STPG2: variants seen among roughly 807,000 people sequenced by gnomAD.
STPG2 encodes the protein sperm-tail PG-rich repeat-containing protein 2.
A neutral mutation model predicts 54.2 loss-of-function variants in STPG2; 56 were observed. That is an observed-to-expected ratio of 1.03 (90% CI 0.83 to 1.29). The LOEUF is 1.29. STPG2 is among the 50% of genes most tolerant of loss of function. The pLI is 0.00. For synonymous variants in STPG2, 200 were observed against 181.8 expected, an observed-to-expected ratio of 1.10 and a Z score of -0.81; for missense variants, 596 against 544.9, an observed-to-expected ratio of 1.09 and a Z score of -0.93.
At chr4:97,674,833 A>G (rs927464433) in intron 10 of STPG2, among the ~76,000 whole-genome samples, 1 of 152,196 alleles carries the variant, frequency 6.6e-6, no homozygotes, top group Non-Finnish European at 1.5e-5. Context: ...CACCATATTA[A>G]TAATTATAAT....
Position 97,804,344 on chromosome 4 carries a change from T to C in STPG2, c.1204+36429A>G, listed in dbSNP as rs955141922. Reference sequence around the variant, plus strand: ...TGATAATGGAGCTGAAAAATTCCTGTTGCCTAGTGACATACTGATTATCCT... The same window carrying C: ...TGATAATGGAGCTGAAAAATTCCTGCTGCCTAGTGACATACTGATTATCCT... On this transcript the variant is annotated intron_variant, in intron 9 of 10. Transcript: ENST00000295268. Among the ~76,000 whole-genome samples the C allele has an allele frequency of 7.9e-5, 12 of 152,248 alleles. No homozygotes were observed. The East Asian group carries it at 2.1e-3, about 27-fold the overall frequency.
chr4:97,897,217 G>T (rs1730990582), intron 8 of STPG2, among the ~76,000 whole-genome samples: 1 of 152,128 alleles, frequency 6.6e-6, no homozygotes, highest in South Asian at 2.1e-4. Context: ...CTCCATCCAT[G>T]TTCCTACAAA....
chr4:97,902,439 T>G lies in STPG2; in HGVS notation c.1044+41458A>C, dbSNP rs528556265. ...TTAATCTTCAAAACATACAAAGAAC[T>G]CATAAACTCAACAAAAAGAAACAAA... On this transcript the variant is annotated intron_variant, in intron 8 of 10. Transcript: ENST00000295268. 7.2e-5 allele frequency among the ~76,000 whole-genome samples: 11 copies of G among 152,184 alleles called. No individual in the cohort carries two copies. In the East Asian group the frequency reaches 2.1e-3, roughly 29 times the overall value.
intron 8 of STPG2, among the ~76,000 whole-genome samples, chr4:97,862,277 A>G (rs1264158816): frequency 6.6e-6 from 1 of 152,020 alleles, no homozygotes; most frequent in Non-Finnish European, 1.5e-5. Flanking sequence ...AAAAACAAAA[A>G]AAGGCAGAGG....
chr4:97,692,921 C>A (rs994478128), intron 10 of STPG2, among the ~76,000 whole-genome samples: 7 of 152,034 alleles, frequency 4.6e-5, no homozygotes, highest in African/African-American at 1.4e-4. Flanking sequence ...CAATTATCAG[C>A]CAAGAATTTT....
At chr4:98,008,805 C>T (rs1735652277) in intron 5 of STPG2, among the ~76,000 whole-genome samples, 1 of 151,942 alleles carries the variant, frequency 6.6e-6, no homozygotes, top group African/African-American at 2.4e-5. Flanking sequence ...AAGCATGAAC[C>T]AACTGTGTGC....
At chr4:97,821,717 C>T (rs896278856) in intron 9 of STPG2, among the ~76,000 whole-genome samples, 3 of 152,206 alleles carry the variant, frequency 2.0e-5, no homozygotes, top group Non-Finnish European at 2.9e-5. Context: ...CTTAACATCA[C>T]GTGGAAGCTT....
chr4:97,855,333 G>A (rs111730520), intron 8 of STPG2, among the ~76,000 whole-genome samples: 3,479 of 152,100 alleles, frequency 0.023, 81 homozygotes, highest in African/African-American at 0.065. Context: ...AAGAATCGCC[G>A]CAGTCTTCCA....
intron 4 of STPG2, among the ~76,000 whole-genome samples, chr4:97,549,693 C>T (rs972251968): frequency 6.6e-6 from 1 of 152,056 alleles, no homozygotes; most frequent in African/African-American, 2.4e-5. Flanking sequence ...AGGGCAACTA[C>T]AGAGAAGAAG....
intron 10 of STPG2, among the ~76,000 whole-genome samples, chr4:97,568,900 G>GTTTT (rs70953073): frequency 0.015 from 2,109 of 143,766 alleles, 34 homozygotes; most frequent in African/African-American, 0.053. Context: ...TTTTTGTTTT[G>GTTTT]TTTTTTTTTT....
intron 9 of STPG2, among the ~76,000 whole-genome samples, chr4:97,834,408 G>A (rs1728571259): frequency 6.6e-6 from 1 of 151,970 alleles, no homozygotes; most frequent in Admixed American, 6.6e-5. Context: ...ACCTAATGTA[G>A]ATGAAGGGGT....
intron 8 of STPG2, among the ~76,000 whole-genome samples, chr4:97,903,177 T>C (rs1462690212): frequency 6.6e-6 from 1 of 152,152 alleles, no homozygotes; most frequent in Non-Finnish European, 1.5e-5. Context: ...GTGTATTGTA[T>C]ACTTGAAATT....
chr4:97,739,019 G>A (rs2149034219), intron 9 of STPG2, among the ~76,000 whole-genome samples: 1 of 151,854 alleles, frequency 6.6e-6, no homozygotes, highest in Non-Finnish European at 1.5e-5. Flanking sequence ...CTATCTCTCA[G>A]ACCACAGTGC....
At chr4:97,933,935 A>C (rs1354695874) in intron 8 of STPG2, among the ~76,000 whole-genome samples, 1 of 152,222 alleles carries the variant, frequency 6.6e-6, no homozygotes, top group Admixed American at 6.5e-5. Flanking sequence ...ATAGCATTGA[A>C]TCTATAAATT....
At chr4:97,534,062 C>T (rs72887290) in intron 4 of STPG2, among the ~76,000 whole-genome samples, 1,727 of 152,090 alleles carry the variant, frequency 0.011, 35 homozygotes, top group African/African-American at 0.039. Flanking sequence ...GCATTGTAAC[C>T]AACACTTCAT....
chr4:98,047,463 A>T (rs2149311502), intron 5 of STPG2, among the ~76,000 whole-genome samples: 1 of 152,316 alleles, frequency 6.6e-6, no homozygotes, highest in African/African-American at 2.4e-5. Flanking sequence ...TCCAGGGAGA[A>T]ACGGGGATCT....
intron 8 of STPG2, among the ~76,000 whole-genome samples, chr4:97,858,306 A>T (rs1729397009): frequency 6.6e-6 from 1 of 152,198 alleles, no homozygotes; most frequent in South Asian, 2.1e-4. Context: ...GCAAGAGAAA[A>T]AAAACAAATA....
At chr4:98,124,916 G>T (rs1739787275) in intron 3 of STPG2, among the ~76,000 whole-genome samples, 1 of 151,898 alleles carries the variant, frequency 6.6e-6, no homozygotes, top group African/African-American at 2.4e-5. Flanking sequence ...CTGTCTTATT[G>T]CAACAAGATA....
At chr4:97,692,436 G>T (rs1273635477) in intron 10 of STPG2, among the ~76,000 whole-genome samples, 1 of 151,452 alleles carries the variant, frequency 6.6e-6, no homozygotes, top group East Asian at 1.9e-4. Flanking sequence ...ACAAGAAAAA[G>T]AAAGAAATTC....
Sources: gnomAD v4.1 joint callset for allele counts (sites outside exome capture counted in the v4.1 genomes callset) on GRCh38, gnomAD v4.1.1 for gene constraint, MANE v1.5 for transcripts, NCBI Gene and HGNC (gene_info 2026-07-23, HGNC 2026-07-21) for gene names.